TLE2: variants seen among roughly 807,000 people sequenced by gnomAD.
The protein encoded by TLE2 is TLE family member 2, transcriptional corepressor, also known as transducin-like enhancer protein 2.
A neutral mutation model predicts 97.2 loss-of-function variants in TLE2; 74 were observed. That is an observed-to-expected ratio of 0.76 (90% CI 0.63 to 0.92). The LOEUF (loss-of-function observed/expected upper bound fraction) is 0.92. TLE2 is among the 40% of genes least tolerant of loss of function. The probability of loss-of-function intolerance (pLI) is 0.00; values close to 1 mark genes in which losing one functional copy is unlikely to be tolerated. For missense variants in TLE2, 1,038 were observed against 1,008.7 expected (o/e 1.03, Z -0.39); for synonymous variants, 499 against 432.1 (o/e 1.15, Z -1.92).
intron 18 of TLE2, 82 bp downstream of exon 18, chr19:3,002,271 T>C (rs1233851028): frequency 6.8e-7 from 1 of 1,477,230 alleles, no homozygotes; most frequent in African/African-American, 1.4e-5. Flanking sequence ...TTATTTGTTA[T>C]TTATCTAAGA....
chr19:3,006,319 C>G (rs957359349), intron 15 of TLE2, 101 bp downstream of exon 15: 2 of 1,501,280 alleles, frequency 1.3e-6, no homozygotes, highest in African/African-American at 1.4e-5. Context: ...CGCCCTTCAC[C>G]TGTAGCCCCA....
chr19:3,023,148 G>A (rs960649716), intron 5 of TLE2, among the ~76,000 whole-genome samples: 7 of 150,802 alleles, frequency 4.6e-5, no homozygotes, highest in African/African-American at 1.5e-4. Context: ...TCCACCCCCC[G>A]GGTTCAAGCA....
chr19:3,013,873 C>A, intron 10 of TLE2, 55 bp from the exon 11 acceptor site: 1 of 1,382,802 alleles, frequency 7.2e-7, no homozygotes, highest in Non-Finnish European at 9.4e-7. Flanking sequence ...AAAGAAGAGT[C>A]CCTTCTCTAT....
upstream of TLE2, among the ~76,000 whole-genome samples, chr19:3,047,250 G>A (rs1182474417): frequency 2.2e-5 from 3 of 134,908 alleles, no homozygotes; most frequent in Admixed American, 1.5e-4. Flanking sequence ...GAGGTCGCCC[G>A]CGGCGCAGTC....
chr19:3,024,458 C>G (rs1015995237), intron 5 of TLE2, among the ~76,000 whole-genome samples: 1 of 152,068 alleles, frequency 6.6e-6, no homozygotes, highest in Non-Finnish European at 1.5e-5. Flanking sequence ...TCCCCGTCCC[C>G]TCCCCAACCC....
At chr19:3,000,833 T>TG (rs2089342134) in intron 18 of TLE2, 110 bp from the exon 19 acceptor site, 1 of 746,758 alleles carries the variant, frequency 1.3e-6, no homozygotes, top group East Asian at 2.7e-5. Flanking sequence ...CCTTTTTTTT[T>TG]TTTTTTTTCC....
intron 1 of TLE2, among the ~76,000 whole-genome samples, chr19:3,044,370 C>T (rs1212105876): frequency 6.6e-6 from 1 of 152,084 alleles, no homozygotes; most frequent in Non-Finnish European, 1.5e-5. Context: ...GCCTGTAGGG[C>T]AGGCAGGATT....
upstream of TLE2, among the ~76,000 whole-genome samples, chr19:3,033,896 C>T (rs1455601644): frequency 6.6e-6 from 1 of 151,944 alleles, no homozygotes; most frequent in African/African-American, 2.4e-5. Flanking sequence ...CCTTCCTTAG[C>T]CCGGTCACTT....
chr19:3,028,529 C>A, intron 2 of TLE2, 147 bp from the exon 3 acceptor site: 1 of 1,036,388 alleles, frequency 9.6e-7, no homozygotes, highest in Non-Finnish European at 1.4e-6. Context: ...TCCTGGGCTC[C>A]AAATGCCCCA....
Position 3,028,796 on chromosome 19 carries a change from A to T in TLE2, c.32T>A (p.Leu11His). 6.4e-7 allele frequency: 1 copy of T among 1,573,946 alleles called. No individual in the cohort carries two copies. The highest frequency in any genetic ancestry group is 8.7e-7 in the Non-Finnish European group (1 of 1,145,160). The change falls in exon 2 of 20, where the codon CTC becomes CAC. Residue 11 changes from leucine to histidine, a missense_variant. Transcript: ENST00000262953. ...GAACTTGAAGGGCTGGCCGGACTGGAGCGGGGTCTGGGGGGGGTGTGGGGG... is the reference window on the plus strand; with the variant it reads ...GAACTTGAAGGGCTGGCCGGACTGGTGCGGGGTCTGGGGGGGGTGTGGGGG... MYPQGRHPTP[L>H]QSGQPFKFSI...
chr19:3,024,987 T>TCCC, intron 5 of TLE2, 33 bp downstream of exon 5: 2 of 1,550,538 alleles, frequency 1.3e-6, no homozygotes, highest in Admixed American at 3.8e-5. Context: ...CCGGCTCCCT[T>TCCC]CCCCTCCTCC....
At chr19:3,025,595 A>C (rs1267094048) in intron 4 of TLE2, 4 of 984,508 alleles carry the variant, frequency 4.1e-6, no homozygotes, top group East Asian at 2.3e-4. Context: ...AGCACGCCAC[A>C]CTCAAGGGAA....
rs200355206 is a variant in TLE2 at position 3,028,811 on chromosome 19, G to A, written c.25-8C>T. ...GCCGGACTGGAGCGGGGTCTGGGGG[G>A]GGTGTGGGGGAAACGTCAGGGTCTG... On this transcript the variant is annotated splice_region_variant and splice_polypyrimidine_tract_variant and intron_variant, in intron 1 of 19. Coordinates refer to ENST00000262953, the MANE Select transcript of TLE2 (RefSeq NM_003260.5). 1.2e-5 allele frequency: 20 copies of A among 1,612,262 alleles called. No individual in the cohort carries two copies. Among genetic ancestry groups the A allele is most frequent in the Non-Finnish European group, 1.4e-5 (17 of 1,179,740 alleles).
chr19:3,030,372 G>A (rs9304902), upstream of TLE2, among the ~76,000 whole-genome samples: 42,787 of 152,060 alleles, frequency 0.28, 6,062 homozygotes, highest in East Asian at 0.31. Context: ...AGGCCCACCC[G>A]GGGAGTGGGA....
At chr19:3,005,110 C>G (rs216278) in intron 17 of TLE2, among the ~76,000 whole-genome samples, 18,960 of 151,986 alleles carry the variant, frequency 0.12, 2,859 homozygotes, top group African/African-American at 0.36. Flanking sequence ...TCGGCGGCGT[C>G]CAGAGATTAA....
chr19:3,028,871 C>A lies in TLE2; in HGVS notation c.24+10G>T, dbSNP rs2089992338. The A allele has an allele frequency of 6.2e-7, 1 of 1,611,534 alleles. No homozygotes were observed. The highest frequency in any genetic ancestry group is 1.3e-5 in the African/African-American group (1 of 74,958). The stretch of plus-strand genomic sequence containing the variant: ...ACACTGGGGGCCCCCTCCCCGCAGT[C>A]CGCACTCACCGGGTGCCTTCCCTGG... On this transcript the variant is annotated intron_variant, in intron 1 of 19. Transcript: ENST00000262953.
At chr19:2,998,804 C>A (rs1302890090) in intron 19 of TLE2, among the ~76,000 whole-genome samples, 2 of 152,168 alleles carry the variant, frequency 1.3e-5, no homozygotes, top group African/African-American at 2.4e-5. Context: ...AGAGATGGAA[C>A]TGAAGTGCTG....
intron 5 of TLE2, chr19:3,020,326 C>T (rs576308637): frequency 2.6e-5 from 4 of 153,368 alleles, no homozygotes; most frequent in South Asian, 4.1e-4. Flanking sequence ...TTCTCTGGGG[C>T]GGGGCTGTTC....
chr19:3,028,524 G>A, intron 2 of TLE2, 142 bp from the exon 3 acceptor site: 6 of 1,026,270 alleles, frequency 5.8e-6, no homozygotes, highest in Non-Finnish European at 8.4e-6. Flanking sequence ...CCCCTTCCTG[G>A]GCTCCAAATG....
Sources: gnomAD v4.1 joint callset for allele counts (sites outside exome capture counted in the v4.1 genomes callset) on GRCh38, gnomAD v4.1.1 for gene constraint, MANE v1.5 for transcripts, NCBI Gene and HGNC (gene_info 2026-07-23, HGNC 2026-07-21) for gene names.